LARS1: variants seen among roughly 807,000 people sequenced by gnomAD.
LARS1 encodes the protein leucyl-tRNA synthetase 1.
Under a neutral mutation model 162.8 loss-of-function variants are expected in LARS1, and 100 were observed. That is an observed-to-expected ratio of 0.61 (90% CI 0.52 to 0.73). The LOEUF is 0.73. LARS1 is among the 30% of genes least tolerant of loss of function. The pLI, the probability that LARS1 is intolerant of heterozygous loss-of-function variation, is 0.00. For synonymous variants in LARS1, 457 were observed against 462.8 expected, an observed-to-expected ratio of 0.99 and a Z score of 0.16; for missense variants, 1,258 against 1,408.9, an observed-to-expected ratio of 0.89 and a Z score of 1.71.
chr5:146,149,401 C>A (rs563199580), intron 15 of LARS1, among the ~76,000 whole-genome samples: 35 of 152,360 alleles, frequency 2.3e-4, no homozygotes, highest in Non-Finnish European at 5.0e-4. Context: ...GTTCTCTACA[C>A]ATGCTATGCA....
chr5:146,143,252 A>C, intron 19 of LARS1, 160 bp downstream of exon 19: 2 of 934,288 alleles, frequency 2.1e-6, no homozygotes, highest in South Asian at 1.9e-5. Flanking sequence ...GATGACAGTA[A>C]GGGGCTATTT....
Position 146,144,671 on chromosome 5 carries a change from C to G in LARS1, c.1542G>C (p.Val514=). The G allele has an allele frequency of 6.2e-7, 1 of 1,614,004 alleles. No individual in the cohort carries two copies. The highest frequency in any genetic ancestry group is 1.1e-5 in the South Asian group (1 of 91,082). Residue 514 remains valine, a synonymous_variant, in exon 16 of 32, where the codon GTG becomes GTC. Coordinates refer to ENST00000394434, the MANE Select transcript of LARS1 (RefSeq NM_020117.11). The part of the protein sequence containing the change: ...ALIYMEPEKQ[V]MSRSSDECVV... ...CACATTCATCTGACGACCTGGACAT[C>G]ACTTGTTTCTCTGGTTCCATGTAAA...
At position 146,132,941 on chromosome 5, in the gene LARS1, T is replaced by G; in HGVS notation, c.2353A>C (p.Arg785=). ...TTGAAAGTGCTGGCAGGACCACTTCTTAGGCTGTCCCAGTTGGCAACCATT... is the reference window on the plus strand; with the variant it reads ...TTGAAAGTGCTGGCAGGACCACTTCGTAGGCTGTCCCAGTTGGCAACCATT... ...KEMVANWDSL[R]SGPASTFNDR... is the part of the protein sequence containing the mutation. The change falls in exon 23 of 32, where the codon AGA becomes CGA. Residue 785 remains arginine, a synonymous_variant. Transcript: ENST00000394434. 6.2e-7 allele frequency: 1 copy of G among 1,614,190 alleles called. No individual in the cohort carries two copies. The highest frequency in any genetic ancestry group is 8.5e-7 in the Non-Finnish European group (1 of 1,180,014).
intron 1 of LARS1, among the ~76,000 whole-genome samples, chr5:146,181,896 A>G (rs111240246): frequency 1.8e-4 from 21 of 119,030 alleles, no homozygotes; most frequent in African/African-American, 5.5e-4. Context: ...AGTAGGAATC[A>G]ACTTACATAC....
chr5:146,161,677 C>T (rs1270370554), intron 6 of LARS1, among the ~76,000 whole-genome samples: 4 of 151,364 alleles, frequency 2.6e-5, no homozygotes, highest in African/African-American at 7.3e-5. Context: ...CACTTGAACC[C>T]GGGAGGCGGA....
intron 6 of LARS1, 59 bp downstream of exon 6, chr5:146,164,251 G>T: frequency 7.0e-7 from 1 of 1,437,534 alleles, no homozygotes; most frequent in Non-Finnish European, 9.6e-7. Flanking sequence ...ATAAAGCAAA[G>T]CACAATAAAA....
At chr5:146,167,776 G>A (rs547400039) in intron 5 of LARS1, among the ~76,000 whole-genome samples, 12 of 151,680 alleles carry the variant, frequency 7.9e-5, no homozygotes, top group Admixed American at 2.6e-4. Context: ...TGATCCGCCC[G>A]CCTCGGCCTC....
chr5:146,124,884 C>G (rs1751978830), intron 28 of LARS1, among the ~76,000 whole-genome samples: 3 of 151,760 alleles, frequency 2.0e-5, no homozygotes, highest in Admixed American at 2.0e-4. Flanking sequence ...CACTAATTTG[C>G]CTGGCAAATC....
intron 15 of LARS1, among the ~76,000 whole-genome samples, chr5:146,147,045 C>T (rs34529192): frequency 0.22 from 33,797 of 151,880 alleles, 4,812 homozygotes; most frequent in Admixed American, 0.34. Flanking sequence ...TTGGCAGAAT[C>T]TTCTGTAGGG....
intron 15 of LARS1, among the ~76,000 whole-genome samples, chr5:146,147,107 C>T (rs1034060630): frequency 6.6e-6 from 1 of 152,150 alleles, no homozygotes; most frequent in African/African-American, 2.4e-5. Flanking sequence ...AACCGGGAGT[C>T]GCCAAGGCCC....
intron 7 of LARS1, among the ~76,000 whole-genome samples, chr5:146,159,881 A>G (rs1440980983): frequency 6.6e-6 from 1 of 152,158 alleles, no homozygotes; most frequent in Non-Finnish European, 1.5e-5. Context: ...AAAGTATAAA[A>G]TAAAACACAA....
chr5:146,181,739 G>A (rs887310721), intron 1 of LARS1, among the ~76,000 whole-genome samples: 26 of 148,512 alleles, frequency 1.8e-4, no homozygotes, highest in Admixed American at 2.7e-4. Flanking sequence ...TTTCCCCACA[G>A]CATTTATCAG....
At chr5:146,151,835 TAA>T (rs767858389) in intron 14 of LARS1, 25 bp downstream of exon 14, 32 of 1,593,056 alleles carry the variant, frequency 2.0e-5, no homozygotes, top group Non-Finnish European at 2.7e-5. Flanking sequence ...GTAAAGCAAA[TAA>T]AAACTAAAAA....
chr5:146,144,827 C>T (rs1023457661), intron 15 of LARS1, 118 bp from the exon 16 acceptor site: 4 of 853,156 alleles, frequency 4.7e-6, no homozygotes, highest in Middle Eastern at 2.7e-4. Context: ...CCCACATTTT[C>T]ATTATGTCTT....
In LARS1 at chr5:146,175,827, C is replaced by CA. The variant is rs1235255122; in HGVS notation, c.125+1719dup. On this transcript the variant is annotated intron_variant, in intron 2 of 31. Coordinates refer to ENST00000394434, the MANE Select transcript of LARS1 (RefSeq NM_020117.11). The stretch of plus-strand genomic sequence containing the variant: ...TGGGTGACAGAGCAAGACTCCGTCT[C>CA]AAAAAAAAAAAACAAAAACAAAAAA... 5.6e-3 allele frequency among the ~76,000 whole-genome samples: 654 copies of CA among 116,642 alleles called. 4 individuals carry two copies. The highest frequency in any genetic ancestry group is 0.018 in the Middle Eastern group (4 of 226). The allele number at this position is 116,642 out of a possible 152,430, so 76.5% of individuals were successfully genotyped here.
At chr5:146,141,215 T>C (rs1752763827) in intron 20 of LARS1, among the ~76,000 whole-genome samples, 1 of 152,208 alleles carries the variant, frequency 6.6e-6, no homozygotes, top group South Asian at 2.1e-4. Flanking sequence ...ACTTGTACTA[T>C]CTTCATTAGC....
At chr5:146,155,901 G>A (rs1753504196) in intron 10 of LARS1, among the ~76,000 whole-genome samples, 1 of 152,090 alleles carries the variant, frequency 6.6e-6, no homozygotes, top group South Asian at 2.1e-4. Context: ...AAAAGAAAAA[G>A]GCAGGAAACA....
chr5:146,160,514 T>A lies in LARS1; in HGVS notation c.595-28A>T, dbSNP rs781199408. Reference sequence around the variant, plus strand: ...ATAAAAGGAAAATTTTAAAAGGCAATTACTGAGAAATACACAAATTTTGTT... The same window carrying A: ...ATAAAAGGAAAATTTTAAAAGGCAAATACTGAGAAATACACAAATTTTGTT... On this transcript the variant is annotated intron_variant, in intron 6 of 31. Coordinates refer to ENST00000394434, the MANE Select transcript of LARS1 (RefSeq NM_020117.11). 19 of 1,249,196 alleles carry A rather than the reference T, an allele frequency of 1.5e-5. No homozygotes were observed. In the South Asian group the frequency reaches 2.6e-4, roughly 17 times the overall value. The allele number at this position is 1,249,196 out of a possible 1,614,324, so 77.4% of individuals were successfully genotyped here. A position where few individuals can be genotyped will look rare whatever the true frequency, so the allele number is the denominator to read the frequency against.
At position 146,143,111 on chromosome 5, in the gene LARS1, T is replaced by TTATATATATATA. The variant is rs3840516; in HGVS notation, c.1878-39_1878-28dup. The TTATATATATATA allele has an allele frequency of 2.5e-5, 27 of 1,081,660 alleles. No individual in the cohort carries two copies. In the Admixed American group the frequency reaches 2.6e-4, roughly 11 times the overall value. 67.0% of individuals were successfully genotyped at this position (1,081,660 alleles called of 1,614,324 possible). A position where few individuals can be genotyped will look rare whatever the true frequency, so the allele number is the denominator to read the frequency against. ...TGTATTAAAAATAAAACAAACTATT[T>TTATATATATATA]TATATATATATATATGTAATTTCTT... On this transcript the variant is annotated intron_variant, in intron 19 of 31. Coordinates refer to ENST00000394434, the MANE Select transcript of LARS1 (RefSeq NM_020117.11).
Sources: gnomAD v4.1 joint callset for allele counts (sites outside exome capture counted in the v4.1 genomes callset) on GRCh38, gnomAD v4.1.1 for gene constraint, MANE v1.5 for transcripts, NCBI Gene and HGNC (gene_info 2026-07-23, HGNC 2026-07-21) for gene names.